Variants in EXT1 observed in about 807,000 individuals in gnomAD.
EXT1 encodes exostosin-1.
In EXT1, 20 loss-of-function variants were observed where a neutral mutation model predicts 82.5. The observed-to-expected ratio is 0.24, with a 90% CI of 0.17 to 0.35. EXT1 has a LOEUF of 0.35. Ranked by LOEUF, EXT1 falls within the 10% of genes least tolerant of loss-of-function variation. EXT1 has a pLI of 1.00. For synonymous variants in EXT1, 348 were observed against 350.8 expected (o/e 0.99, Z 0.09); for missense variants, 757 against 936.5 (o/e 0.81, Z 2.50).
chr8:117,924,411 G>A (rs532645560), intron 1 of EXT1, among the ~76,000 whole-genome samples: 2 of 152,288 alleles, frequency 1.3e-5, no homozygotes, highest in South Asian at 2.1e-4. Flanking sequence ...AAATGAATGG[G>A]AATCCCTTTG....
intron 1 of EXT1, among the ~76,000 whole-genome samples, chr8:117,964,983 G>A (rs1376998747): frequency 6.6e-6 from 1 of 152,018 alleles, no homozygotes; most frequent in Non-Finnish European, 1.5e-5. Flanking sequence ...GTGCCTAGAA[G>A]GATGTCTCCT....
At chr8:118,067,376 T>C (rs867930087) in intron 1 of EXT1, among the ~76,000 whole-genome samples, 15 of 152,202 alleles carry the variant, frequency 9.9e-5, no homozygotes, top group African/African-American at 3.6e-4. Context: ...AGGAAGAATG[T>C]GGTGTGAAGT....
rs867467941 is a variant in EXT1 at position 117,858,841 on chromosome 8, G to A, written c.963-21640C>T. Among the ~76,000 whole-genome samples, 227 of 60,340 alleles carry A rather than the reference G, an allele frequency of 3.8e-3. 10 individuals are homozygous for A. The highest frequency in any genetic ancestry group is 0.014 in the African/African-American group (218 of 15,828). The allele number at this position is 60,340 out of a possible 152,430, so 39.6% of individuals were successfully genotyped here. ...GGAAGGAAGGAAGGAAGGAAGGAAG[G>A]AAGGAAAGAAAGAAAGAAAGAAAGA... On this transcript the variant is annotated intron_variant, in intron 1 of 10. Transcript: ENST00000378204.
At chr8:118,054,594 C>T (rs549086774) in intron 1 of EXT1, among the ~76,000 whole-genome samples, 31 of 152,322 alleles carry the variant, frequency 2.0e-4, no homozygotes, top group Non-Finnish European at 3.7e-4. Flanking sequence ...AATAAAGATA[C>T]TGCCATCTCC....
chr8:118,029,370 G>A (rs1816266283), intron 1 of EXT1, among the ~76,000 whole-genome samples: 1 of 152,096 alleles, frequency 6.6e-6, no homozygotes, highest in Admixed American at 6.5e-5. Flanking sequence ...AGGCTGCAAT[G>A]AGGCACCATG....
chr8:117,977,825 A>G (rs1815101334), intron 1 of EXT1, among the ~76,000 whole-genome samples: 1 of 147,966 alleles, frequency 6.8e-6, no homozygotes, highest in Non-Finnish European at 1.5e-5. Flanking sequence ...CATAATAAAG[A>G]ATTTAAATTT....
intron 1 of EXT1, among the ~76,000 whole-genome samples, chr8:118,090,909 C>G (rs988427991): frequency 6.7e-6 from 1 of 149,564 alleles, no homozygotes; most frequent in Non-Finnish European, 1.5e-5. Flanking sequence ...CTGTTTTGTA[C>G]CACAGGTGGT....
At chr8:117,975,721 A>G (rs1017329271) in intron 1 of EXT1, among the ~76,000 whole-genome samples, 1 of 152,152 alleles carries the variant, frequency 6.6e-6, no homozygotes, top group Non-Finnish European at 1.5e-5. Flanking sequence ...AATAATGGCT[A>G]TATTTTACTT....
chr8:117,993,371 G>A (rs184477701), intron 1 of EXT1, among the ~76,000 whole-genome samples: 107 of 152,280 alleles, frequency 7.0e-4, no homozygotes, highest in Non-Finnish European at 1.1e-3. Flanking sequence ...TCTCTGGCCC[G>A]GCAGGATACA....
chr8:117,848,941 C>G (rs1218978565), intron 1 of EXT1, among the ~76,000 whole-genome samples: 1 of 152,194 alleles, frequency 6.6e-6, no homozygotes, highest in South Asian at 2.1e-4. Context: ...GAATAATAAT[C>G]ATGCCCTACA....
At chr8:117,802,167 G>T (rs887800633) in intron 10 of EXT1, among the ~76,000 whole-genome samples, 1 of 152,148 alleles carries the variant, frequency 6.6e-6, no homozygotes, top group Non-Finnish European at 1.5e-5. Flanking sequence ...GTTAAATTTA[G>T]ATTTTTTTGT....
At chr8:117,863,074 C>T (rs1362356848) in intron 1 of EXT1, among the ~76,000 whole-genome samples, 1 of 152,128 alleles carries the variant, frequency 6.6e-6, no homozygotes, top group Admixed American at 6.5e-5. Flanking sequence ...TTGATGCATA[C>T]TCATGTACTC....
At chr8:118,047,854 T>C (rs959323747) in intron 1 of EXT1, among the ~76,000 whole-genome samples, 1 of 152,110 alleles carries the variant, frequency 6.6e-6, no homozygotes, top group Non-Finnish European at 1.5e-5. Context: ...GTCTAGTCCA[T>C]GGAGGCACCA....
At chr8:117,892,916 G>T (rs763880750) in intron 1 of EXT1, among the ~76,000 whole-genome samples, 13 of 152,220 alleles carry the variant, frequency 8.5e-5, no homozygotes, top group Non-Finnish European at 1.8e-4. Flanking sequence ...TACTAAGGGG[G>T]AAAACTGCAG....
chr8:117,982,240 G>A (rs1815223542), intron 1 of EXT1, among the ~76,000 whole-genome samples: 2 of 152,150 alleles, frequency 1.3e-5, no homozygotes, highest in African/African-American at 4.8e-5. Flanking sequence ...TTCCTTGCGG[G>A]TGTAAGACTG....
Position 118,108,089 on chromosome 8 carries a change from T to C in EXT1, c.962+1996A>G, listed in dbSNP as rs867477971. Among the ~76,000 whole-genome samples, 3 of 152,250 alleles carry C rather than the reference T, an allele frequency of 2.0e-5. 1 individual carries two copies. The highest frequency in any genetic ancestry group is 6.8e-3 in the Middle Eastern group (2 of 294). On this transcript the variant is annotated intron_variant, in intron 1 of 10. Coordinates refer to ENST00000378204, the MANE Select transcript of EXT1 (RefSeq NM_000127.3). Reference sequence around the variant, plus strand: ...CAAAGAGGTCAAAAATTAGTTAAATTTAGTAAAAATTAAAGTTTTAAAGAA... The same window carrying C: ...CAAAGAGGTCAAAAATTAGTTAAATCTAGTAAAAATTAAAGTTTTAAAGAA...
chr8:117,970,645 AGGTACTT>A (rs999303748), intron 1 of EXT1, among the ~76,000 whole-genome samples: 4 of 152,182 alleles, frequency 2.6e-5, no homozygotes, highest in African/African-American at 9.7e-5. Flanking sequence ...AGGGATTCCA[AGGTACTT>A]GGTCCATGGA....
intron 1 of EXT1, among the ~76,000 whole-genome samples, chr8:117,943,424 T>G (rs1024875523): frequency 7.9e-5 from 12 of 152,244 alleles, no homozygotes; most frequent in Admixed American, 5.2e-4. Context: ...AATTATTTGA[T>G]AAATTATAGT....
chr8:117,817,273 T>C (rs1811838650), intron 7 of EXT1, among the ~76,000 whole-genome samples: 1 of 152,158 alleles, frequency 6.6e-6, no homozygotes, highest in South Asian at 2.1e-4. Context: ...CTTGTGACAG[T>C]TACAATTGCA....
Sources: allele counts gnomAD v4.1 joint callset (sites outside exome capture counted in the v4.1 genomes callset), GRCh38; gene constraint gnomAD v4.1.1; transcripts MANE v1.5; gene names NCBI Gene and HGNC (gene_info 2026-07-23, HGNC 2026-07-21).